ZNF236: variants seen among roughly 807,000 people sequenced by gnomAD.
ZNF236 encodes zinc finger protein 236, also known as regulated by glucose.
Under a neutral mutation model 191.2 loss-of-function variants are expected in ZNF236, and 50 were observed. The observed-to-expected ratio is 0.26, with a 90% CI of 0.21 to 0.33. ZNF236 has a LOEUF of 0.33. Ranked by LOEUF, ZNF236 falls within the 10% of genes least tolerant of loss-of-function variation. The pLI is 1.00. For synonymous variants in ZNF236, 907 were observed against 928.8 expected, an observed-to-expected ratio of 0.98 and a Z score of 0.43; for missense variants, 1,754 against 2,374.5, an observed-to-expected ratio of 0.74 and a Z score of 5.43.
chr18:76,894,930 T>C, intron 9 of ZNF236, 83 bp from the exon 10 acceptor site: 2 of 1,547,952 alleles, frequency 1.3e-6, no homozygotes, highest in Non-Finnish European at 1.7e-6. Context: ...GCGTGCAGCT[T>C]TCTGTGGGGA....
At chr18:76,834,048 G>T (rs1238081684) in intron 1 of ZNF236, among the ~76,000 whole-genome samples, 1 of 152,100 alleles carries the variant, frequency 6.6e-6, no homozygotes, top group Non-Finnish European at 1.5e-5. Flanking sequence ...TAAGACAACT[G>T]AAGTTTAAAA....
At chr18:76,861,513 C>T (rs980886983) in intron 3 of ZNF236, among the ~76,000 whole-genome samples, 1 of 152,156 alleles carries the variant, frequency 6.6e-6, no homozygotes, top group Non-Finnish European at 1.5e-5. Context: ...TCTATTATTG[C>T]ATAAGAAAGG....
At chr18:76,857,230 C>T (rs1278934963) in intron 3 of ZNF236, among the ~76,000 whole-genome samples, 3 of 152,226 alleles carry the variant, frequency 2.0e-5, no homozygotes, top group African/African-American at 7.2e-5. Flanking sequence ...CAGCGCCTGG[C>T]AGCACCAGCA....
intron 17 of ZNF236, 115 bp downstream of exon 17, chr18:76,912,462 A>AC: frequency 1.5e-6 from 1 of 668,380 alleles, no homozygotes; most frequent in African/African-American, 1.8e-5. Context: ...ACTGTTCAAA[A>AC]CAGTTCCATT....
At chr18:76,901,237 TAAAG>T (rs957649879) in intron 11 of ZNF236, among the ~76,000 whole-genome samples, 14 of 152,100 alleles carry the variant, frequency 9.2e-5, no homozygotes, top group African/African-American at 1.4e-4. Flanking sequence ...TTGTCACTAA[TAAAG>T]AAACATGAGA....
chr18:76,881,301 T>C lies in ZNF236; in HGVS notation c.1206T>C (p.Ser402=), dbSNP rs1976885607. 6.2e-7 allele frequency: 1 copy of C among 1,614,058 alleles called. No individual in the cohort carries two copies. Among genetic ancestry groups the C allele is most frequent in the Admixed American group, 1.7e-5 (1 of 59,996 alleles). ...TGTCTTAGCAAGCCTTAGAAAACAG[T>C]GGGCTGTCTTCAATTCCAGCTGCAG... ...QDILQQALEN[S]GLSSIPAAAH... is the part of the protein sequence containing the mutation. Residue 402 remains serine, a synonymous_variant, in exon 9 of 31, where the codon AGT becomes AGC. Coordinates refer to ENST00000320610, the MANE Select transcript of ZNF236 (RefSeq NM_001306089.2).
At position 76,913,918 on chromosome 18, in the gene ZNF236, T is replaced by C; in HGVS notation, c.3061+20T>C. 1 of 1,612,794 alleles carries C rather than the reference T, an allele frequency of 6.2e-7. No individual in the cohort carries two copies. The highest frequency in any genetic ancestry group is 1.3e-5 in the African/African-American group (1 of 74,980). Reference sequence around the variant, plus strand: ...ACACAGGTCACTGTCTGCCTTATACTTGGAGATTAGTCCTTTAAAGAAAAA... The same window carrying C: ...ACACAGGTCACTGTCTGCCTTATACCTGGAGATTAGTCCTTTAAAGAAAAA... On this transcript the variant is annotated intron_variant, in intron 18 of 30. Coordinates refer to ENST00000320610, the MANE Select transcript of ZNF236 (RefSeq NM_001306089.2).
In ZNF236 at chr18:76,919,884, T is replaced by C; in HGVS notation, c.3383T>C (p.Ile1128Thr). The C allele has an allele frequency of 6.2e-7, 1 of 1,614,160 alleles. No homozygotes were observed. The highest frequency in any genetic ancestry group is 8.5e-7 in the Non-Finnish European group (1 of 1,180,040). Residue 1128 changes from isoleucine (I) to threonine (T), a missense_variant, in exon 20 of 31, where the codon ATC (isoleucine) becomes ACC (threonine). By Grantham distance (89) the Ile-to-Thr change is moderately conservative. Transcript: ENST00000320610. This position sits in a 1 kb window ranked among gnomAD's most constrained non-coding sequence, Gnocchi z 5.3. ...TEEETAQLAK[I>T]RPQESATVSE... ...GAGGAGACAGCCCAGTTAGCCAAGA[T>C]CCGGCCGCAGGAGAGCGCCACGGTG...
At chr18:76,951,603 C>T (rs773054928) in intron 27 of ZNF236, among the ~76,000 whole-genome samples, 3 of 152,196 alleles carry the variant, frequency 2.0e-5, no homozygotes, top group Non-Finnish European at 2.9e-5. Context: ...CTGTCTAGGC[C>T]ATTAAAACTT....
chr18:76,894,964 C>T (rs1255606923), intron 9 of ZNF236, 49 bp from the exon 10 acceptor site: 3 of 1,592,212 alleles, frequency 1.9e-6, no homozygotes, highest in Non-Finnish European at 2.6e-6. Context: ...TGGACCTGAC[C>T]CTAGGCGGGG....
At position 76,902,671 on chromosome 18, in the gene ZNF236, A is replaced by G. The variant is rs541245627; in HGVS notation, c.1895-1709A>G. Reference sequence around the variant, plus strand: ...ACTGCAACCTCTGCCTCCCGGGTTCAAGCGATTCTCCTGCCTCAGCTTCCT... The same window carrying G: ...ACTGCAACCTCTGCCTCCCGGGTTCGAGCGATTCTCCTGCCTCAGCTTCCT... On this transcript the variant is annotated intron_variant, in intron 11 of 30. Coordinates refer to ENST00000320610, the MANE Select transcript of ZNF236 (RefSeq NM_001306089.2). 2.8e-3 allele frequency among the ~76,000 whole-genome samples: 433 copies of G among 152,260 alleles called. 2 individuals are homozygous for G. The highest frequency in any genetic ancestry group is 4.8e-3 in the Non-Finnish European group (328 of 68,012).
At chr18:76,962,096 G>T (rs1460440314) in intron 30 of ZNF236, among the ~76,000 whole-genome samples, 1 of 151,720 alleles carries the variant, frequency 6.6e-6, no homozygotes, top group Non-Finnish European at 1.5e-5. Context: ...ATTTATCTTT[G>T]TTTTTATTGC....
Position 76,919,661 on chromosome 18 carries a change from C to G in ZNF236, c.3275-115C>G. The G allele has an allele frequency of 4.8e-6, 6 of 1,248,146 alleles. No individual in the cohort carries two copies. Among genetic ancestry groups the G allele is most frequent in the East Asian group, 2.4e-5 (1 of 41,574 alleles). 77.3% of individuals were successfully genotyped at this position (1,248,146 alleles called of 1,614,324 possible). ...CAACTCTCTACCATCATAAAAATAG[C>G]TTGGTTGAGTTATTAATTTTCATTA... On this transcript the variant is annotated intron_variant, in intron 19 of 30. Coordinates refer to ENST00000320610, the MANE Select transcript of ZNF236 (RefSeq NM_001306089.2). The surrounding 1 kb of genome is among the most constrained non-coding windows in gnomAD (Gnocchi z 5.3).
At chr18:76,936,583 T>TAAA in intron 25 of ZNF236, among the ~76,000 whole-genome samples, 1 of 152,260 alleles carries the variant, frequency 6.6e-6, no homozygotes, top group Non-Finnish European at 1.5e-5. Context: ...ATGAGATGTA[T>TAAA]TTTGACCTCC....
chr18:76,933,674 G>A (rs1967921134), intron 25 of ZNF236, among the ~76,000 whole-genome samples: 1 of 152,224 alleles, frequency 6.6e-6, no homozygotes, highest in East Asian at 1.9e-4. Flanking sequence ...CTTAAATACA[G>A]GCTTAGTTTT....
At chr18:76,828,842 AT>A (rs914737687) in intron 1 of ZNF236, among the ~76,000 whole-genome samples, 1 of 151,720 alleles carries the variant, frequency 6.6e-6, no homozygotes, top group African/African-American at 2.4e-5. Flanking sequence ...AATTTTTTGT[AT>A]TTTAGTAGAG....
In ZNF236 at chr18:76,970,125, G is replaced by A. The variant is rs1012661937; in HGVS notation, c.*1786G>A. On this transcript the variant is annotated 3_prime_UTR_variant, in exon 31 of 31. Coordinates refer to ENST00000320610, the MANE Select transcript of ZNF236 (RefSeq NM_001306089.2). The stretch of plus-strand genomic sequence containing the variant: ...AATGCACTTTTTATTTTATAATTTT[G>A]TATTGAAATATTTTAGAAATGTTGA... 7 of 152,472 alleles carry A rather than the reference G, an allele frequency of 4.6e-5. No homozygotes were observed. Among genetic ancestry groups the A allele is most frequent in the Admixed American group, 3.9e-4 (6 of 15,264 alleles). The allele number at this position is 152,472 out of a possible 1,614,324, so 9.4% of individuals were successfully genotyped here.
At chr18:76,912,603 CTGCAGCTTCCCGTCACTGT>C (rs1967246920) in intron 17 of ZNF236, among the ~76,000 whole-genome samples, 1 of 152,250 alleles carries the variant, frequency 6.6e-6, no homozygotes. Context: ...AAGTACTCTG[CTGCAGCTTCCCGTCACTGT>C]TTTAAGTCAT....
intron 26 of ZNF236, among the ~76,000 whole-genome samples, chr18:76,938,608 T>A (rs777531178): frequency 6.6e-6 from 1 of 152,156 alleles, no homozygotes; most frequent in Non-Finnish European, 1.5e-5. Context: ...CAAGGCAGAG[T>A]TCAGTCAGTC....
Sources: allele counts gnomAD v4.1 joint callset (sites outside exome capture counted in the v4.1 genomes callset), GRCh38; gene constraint gnomAD v4.1.1; non-coding constraint Gnocchi (gnomAD v3.1); transcripts MANE v1.5; gene names NCBI Gene and HGNC (gene_info 2026-07-23, HGNC 2026-07-21).